Variants in CSMD1 observed in about 807,000 individuals in gnomAD.
The protein encoded by CSMD1 is CUB and sushi domain-containing protein 1.
CSMD1 carries 213 observed loss-of-function variants against 417.5 expected under a neutral mutation model. The ratio of observed to expected loss-of-function variants is 0.51; its 90% confidence interval spans 0.46 to 0.57. CSMD1 has a LOEUF of 0.57. Ranked by LOEUF, CSMD1 falls within the 20% of genes least tolerant of loss-of-function variation. The probability of loss-of-function intolerance (pLI) is 0.00; values close to 1 mark genes in which losing one functional copy is unlikely to be tolerated. For synonymous variants in CSMD1, 2,862 were observed against 1,736.8 expected (o/e 1.65, Z -16.11); for missense variants, 6,923 against 4,529.7 (o/e 1.53, Z -15.17).
intron 3 of CSMD1, among the ~76,000 whole-genome samples, chr8:4,134,575 T>C (rs1329635445): frequency 6.6e-6 from 1 of 152,208 alleles, no homozygotes; most frequent in Non-Finnish European, 1.5e-5. Context: ...ATGGCAGCCC[T>C]AAGGAATGCA....
At chr8:4,968,296 G>A (rs1239959055) in intron 1 of CSMD1, among the ~76,000 whole-genome samples, 1 of 151,874 alleles carries the variant, frequency 6.6e-6, no homozygotes, top group African/African-American at 2.4e-5. Flanking sequence ...AGTTATAAGT[G>A]TACAATTCAG....
chr8:3,511,464 T>C (rs1394177554), intron 10 of CSMD1, among the ~76,000 whole-genome samples: 1 of 151,682 alleles, frequency 6.6e-6, no homozygotes, highest in Non-Finnish European at 1.5e-5. Flanking sequence ...TTACTCAAAA[T>C]CTGTGGCCAG....
chr8:3,984,562 A>G (rs1220365327), intron 5 of CSMD1, among the ~76,000 whole-genome samples: 5 of 151,564 alleles, frequency 3.3e-5, no homozygotes, highest in African/African-American at 9.7e-5. Context: ...TAAAAAATAT[A>G]TATATAGCCA....
intron 6 of CSMD1, among the ~76,000 whole-genome samples, chr8:3,716,091 T>C (rs150683483): frequency 9.8e-5 from 15 of 152,352 alleles, no homozygotes; most frequent in African/African-American, 3.4e-4. Context: ...CACTTCCTCC[T>C]GAAAGCACTT....
intron 5 of CSMD1, among the ~76,000 whole-genome samples, chr8:3,813,241 C>T (rs938953459): frequency 2.0e-5 from 3 of 151,870 alleles, no homozygotes; most frequent in African/African-American, 4.8e-5. Context: ...ATTGTCCTGT[C>T]ATCATTAAGA....
chr8:3,858,449 C>T (rs1021308751), intron 5 of CSMD1, among the ~76,000 whole-genome samples: 2 of 151,984 alleles, frequency 1.3e-5, no homozygotes, highest in Non-Finnish European at 2.9e-5. Context: ...TCATTTAAGC[C>T]ATATAAAACT....
chr8:4,535,036 C>T (rs890946784), intron 2 of CSMD1, among the ~76,000 whole-genome samples: 1 of 152,180 alleles, frequency 6.6e-6, no homozygotes, highest in African/African-American at 2.4e-5. Flanking sequence ...GCTGGGATTA[C>T]AGGCGTGAGC....
chr8:3,438,776 G>C (rs1458720083), intron 12 of CSMD1, among the ~76,000 whole-genome samples: 1 of 152,028 alleles, frequency 6.6e-6, no homozygotes, highest in Non-Finnish European at 1.5e-5. Context: ...TAAATGATTG[G>C]AAGTGCAATT....
chr8:4,781,246 T>C (rs541803469), intron 1 of CSMD1, among the ~76,000 whole-genome samples: 1 of 152,170 alleles, frequency 6.6e-6, no homozygotes, highest in African/African-American at 2.4e-5. Flanking sequence ...TGGCTAAGCA[T>C]GATGAGGGAA....
chr8:3,360,195 A>G (rs548028128), intron 20 of CSMD1, among the ~76,000 whole-genome samples: 47 of 152,334 alleles, frequency 3.1e-4, no homozygotes, highest in Non-Finnish European at 6.0e-4. Flanking sequence ...AGTAGACAAG[A>G]TTTTGTACTA....
At position 4,943,481 on chromosome 8, in the gene CSMD1, G is replaced by C. The variant is rs371467017; in HGVS notation, c.85+50851C>G. On this transcript the variant is annotated intron_variant, in intron 1 of 69. Coordinates refer to ENST00000635120, the MANE Select transcript of CSMD1 (RefSeq NM_033225.6). ...ACTGCACTCCAGCTTGGGGGACAGA[G>C]TGAGACACCGTCTCAAAAAAATAAA... is the stretch of plus-strand genomic sequence containing the variant. 3.7e-3 allele frequency among the ~76,000 whole-genome samples: 525 copies of C among 141,576 alleles called. 3 individuals are homozygous for C. The highest frequency in any genetic ancestry group is 0.012 in the African/African-American group (484 of 39,132). 92.9% of individuals were successfully genotyped at this position (141,576 alleles called of 152,430 possible).
At chr8:4,141,744 T>TACTTTA (rs1803804624) in intron 3 of CSMD1, among the ~76,000 whole-genome samples, 2 of 151,114 alleles carry the variant, frequency 1.3e-5, no homozygotes, top group Non-Finnish European at 2.9e-5. Flanking sequence ...ACGGATACAG[T>TACTTTA]GATTCATCCC....
At position 4,404,111 on chromosome 8, in the gene CSMD1, C is replaced by G. The variant is rs1460177053; in HGVS notation, c.415+15842G>C. On this transcript the variant is annotated intron_variant, in intron 3 of 69. Coordinates refer to ENST00000635120, the MANE Select transcript of CSMD1 (RefSeq NM_033225.6). ...ACTGCTTTAGGGAATGGTATTTCTC[C>G]AGAATTCCACGCGAGTGTTTATCTT... 3.9e-5 allele frequency among the ~76,000 whole-genome samples: 6 copies of G among 152,252 alleles called. No individual in the cohort carries two copies. In the East Asian group the frequency reaches 1.2e-3, roughly 29 times the overall value.
At chr8:3,969,019 G>C (rs1290104040) in intron 5 of CSMD1, among the ~76,000 whole-genome samples, 1 of 152,208 alleles carries the variant, frequency 6.6e-6, no homozygotes, top group East Asian at 1.9e-4. Context: ...GGAAGGCCGA[G>C]GCAGGTGGAT....
At chr8:4,336,947 G>C (rs561297218) in intron 3 of CSMD1, among the ~76,000 whole-genome samples, 4 of 152,054 alleles carry the variant, frequency 2.6e-5, no homozygotes, top group Non-Finnish European at 5.9e-5. Context: ...AGGCTACAAT[G>C]TTGAAATGGA....
intron 1 of CSMD1, among the ~76,000 whole-genome samples, chr8:4,720,187 T>A (rs1459716380): frequency 2.0e-5 from 3 of 150,980 alleles, no homozygotes; most frequent in Non-Finnish European, 4.4e-5. Flanking sequence ...TATATATATT[T>A]ATATTTCATA....
intron 1 of CSMD1, among the ~76,000 whole-genome samples, chr8:4,788,989 G>C (rs73179641): frequency 3.2e-4 from 49 of 152,160 alleles, no homozygotes; most frequent in Admixed American, 1.5e-3. Flanking sequence ...TTAAATTCAT[G>C]GTTAGGACTC....
rs528219414 is a variant in CSMD1 at position 4,596,047 on chromosome 8, G to A, written c.302+41295C>T. Among the ~76,000 whole-genome samples, 3 of 152,262 alleles carry A rather than the reference G, an allele frequency of 2.0e-5. No individual in the cohort carries two copies. In the East Asian group the frequency reaches 5.8e-4, roughly 29 times the overall value. On this transcript the variant is annotated intron_variant, in intron 2 of 69. Coordinates refer to ENST00000635120, the MANE Select transcript of CSMD1 (RefSeq NM_033225.6). ...CTCCCTGTTTGCCACACTGCCCACA[G>A]CATGGCCCAACCTTGCTCCTTTCTC...
intron 15 of CSMD1, among the ~76,000 whole-genome samples, chr8:3,401,109 C>T (rs537696855): frequency 5.3e-5 from 8 of 151,710 alleles, no homozygotes; most frequent in African/African-American, 1.9e-4. Flanking sequence ...ATGAATACAA[C>T]ATAAGCAAAA....
Sources: allele counts gnomAD v4.1 joint callset (sites outside exome capture counted in the v4.1 genomes callset), GRCh38; gene constraint gnomAD v4.1.1; transcripts MANE v1.5; gene names NCBI Gene and HGNC (gene_info 2026-07-23, HGNC 2026-07-21).